PCDHGA7: variants seen among roughly 807,000 people sequenced by gnomAD.
PCDHGA7 encodes the protein protocadherin gamma subfamily A, 7, also known as protocadherin gamma-A7.
Under a neutral mutation model 58.3 loss-of-function variants are expected in PCDHGA7, and 44 were observed. The observed-to-expected ratio is 0.75, with a 90% confidence interval of 0.59 to 0.97. The LOEUF is 0.97. Ranked by LOEUF, PCDHGA7 falls within the 50% of genes least tolerant of loss-of-function variation. The pLI is 0.00. For synonymous variants in PCDHGA7, 516 were observed against 504.2 expected (o/e 1.02, Z -0.31); for missense variants, 1,266 against 1,188.7 (o/e 1.06, Z -0.96).
chr5:141,387,071 C>T (rs1487403463), intron 1 of PCDHGA7, among the ~76,000 whole-genome samples: 2 of 152,172 alleles, frequency 1.3e-5, no homozygotes, highest in African/African-American at 4.8e-5. Flanking sequence ...GAGGAGTAGG[C>T]TACTGCCTGT....
Position 141,394,523 on chromosome 5 carries a change from C to A in PCDHGA7, c.2424+9200C>A, listed in dbSNP as rs373702756. ...TCCTGTACCCCGCCCTCCCCACAGACGGTTCCACTGGCGTGGAGCTGGCGC... is the reference window on the plus strand; with the variant it reads ...TCCTGTACCCCGCCCTCCCCACAGAAGGTTCCACTGGCGTGGAGCTGGCGC... On this transcript the variant is annotated intron_variant, in intron 1 of 3. Transcript: ENST00000518325. The A allele has an allele frequency of 1.1e-5, 17 of 1,614,116 alleles. No homozygotes were observed. The highest frequency in any genetic ancestry group is 5.3e-5 in the African/African-American group (4 of 74,950).
chr5:141,430,914 T>G (rs750607631), intron 1 of PCDHGA7: 1 of 1,607,676 alleles, frequency 6.2e-7, no homozygotes, highest in Non-Finnish European at 8.5e-7. Context: ...TCCAGGGACC[T>G]GGGGCTGGAG....
intron 1 of PCDHGA7, chr5:141,478,597 C>T: frequency 6.4e-7 from 1 of 1,567,010 alleles, no homozygotes; most frequent in Non-Finnish European, 8.7e-7. Flanking sequence ...TTTATTCCTA[C>T]ATCATATTGA....
chr5:141,421,433 C>A lies in PCDHGA7; in HGVS notation c.2424+36110C>A, dbSNP rs772564300. 5 of 1,614,074 alleles carry A rather than the reference C, an allele frequency of 3.1e-6. No homozygotes were observed. In the African/African-American group the frequency reaches 4.0e-5, roughly 13 times the overall value. On this transcript the variant is annotated intron_variant, in intron 1 of 3. Coordinates refer to ENST00000518325, the MANE Select transcript of PCDHGA7 (RefSeq NM_018920.4). ...GCGAAGCGCGGAGTCCGCATCGTCTCCAGAGGGAAGACACAGCTTTTCGCT... is the reference window on the plus strand; with the variant it reads ...GCGAAGCGCGGAGTCCGCATCGTCTACAGAGGGAAGACACAGCTTTTCGCT...
intron 1 of PCDHGA7, among the ~76,000 whole-genome samples, chr5:141,468,186 A>G (rs2099159540): frequency 6.6e-6 from 1 of 151,848 alleles, no homozygotes; most frequent in African/African-American, 2.4e-5. Context: ...TTTGCTGGGC[A>G]TGGTGGCGGG....
At chr5:141,397,224 A>T (rs2093491277) in intron 1 of PCDHGA7, among the ~76,000 whole-genome samples, 1 of 151,376 alleles carries the variant, frequency 6.6e-6, no homozygotes. Context: ...ATTTTGAGAT[A>T]TGAAGAAGAG....
intron 1 of PCDHGA7, among the ~76,000 whole-genome samples, chr5:141,386,156 G>A (rs3806832): frequency 0.081 from 12,379 of 152,152 alleles, 653 homozygotes; most frequent in African/African-American, 0.15. Context: ...ACTGTCTCAC[G>A]TACTCAAACC....
chr5:141,476,091 G>A lies in PCDHGA7; in HGVS notation c.2425-18716G>A. The A allele has an allele frequency of 2.6e-6, 4 of 1,563,192 alleles. No individual in the cohort carries two copies. The highest frequency in any genetic ancestry group is 3.5e-6 in the Non-Finnish European group (4 of 1,159,278). On this transcript the variant is annotated intron_variant, in intron 1 of 3. Transcript: ENST00000518325. The surrounding 1 kb of genome is among the most constrained non-coding windows in gnomAD (Gnocchi z 7.6). ...AAATCTCAGGGACGATCTGGACCCCGCTGAGAGGAACTGCTTTTGAGTGAG... is the reference window on the plus strand; with the variant it reads ...AAATCTCAGGGACGATCTGGACCCCACTGAGAGGAACTGCTTTTGAGTGAG...
At chr5:141,501,333 A>ACC (rs1554187333) in intron 2 of PCDHGA7, among the ~76,000 whole-genome samples, 192 of 140,118 alleles carry the variant, frequency 1.4e-3, no homozygotes, top group Admixed American at 5.6e-3. Flanking sequence ...ACACACACAC[A>ACC]CCCCAAACTC....
chr5:141,420,357 CT>C, intron 1 of PCDHGA7: 1 of 1,376,278 alleles, frequency 7.3e-7, no homozygotes, highest in Non-Finnish European at 9.6e-7. Context: ...TTTTAAGATT[CT>C]AGATAACTTC....
chr5:141,434,820 G>A (rs953824837), intron 1 of PCDHGA7, among the ~76,000 whole-genome samples: 1 of 151,302 alleles, frequency 6.6e-6, no homozygotes, highest in Admixed American at 6.6e-5. Flanking sequence ...ATATCCCTTA[G>A]TACACTTGGC....
chr5:141,490,336 G>T lies in PCDHGA7; in HGVS notation c.2425-4471G>T. 2 of 1,614,224 alleles carry T rather than the reference G, an allele frequency of 1.2e-6. No individual in the cohort carries two copies. The highest frequency in any genetic ancestry group is 8.5e-7 in the Non-Finnish European group (1 of 1,180,040). ...CCCTGTCCTAGAGAGCACACCAGTGGGCACAGTAGTGGGGTTGTTTAATGT... is the reference window on the plus strand; with the variant it reads ...CCCTGTCCTAGAGAGCACACCAGTGTGCACAGTAGTGGGGTTGTTTAATGT... On this transcript the variant is annotated intron_variant, in intron 1 of 3. Transcript: ENST00000518325. This position sits in a 1 kb window ranked among gnomAD's most constrained non-coding sequence, Gnocchi z 5.4.
intron 1 of PCDHGA7, chr5:141,388,084 G>A (rs2091232719): frequency 7.3e-7 from 1 of 1,364,538 alleles, no homozygotes; most frequent in Admixed American, 2.0e-5. Context: ...CGAAAACTGC[G>A]CGTCAGTTCG....
intron 1 of PCDHGA7, chr5:141,389,333 C>T (rs753436946): frequency 6.2e-7 from 1 of 1,614,016 alleles, no homozygotes; most frequent in South Asian, 1.1e-5. Flanking sequence ...GGCCCAACGG[C>T]CAAGTCTCTT....
chr5:141,405,995 A>T (rs985162414), intron 1 of PCDHGA7, among the ~76,000 whole-genome samples: 1 of 151,964 alleles, frequency 6.6e-6, no homozygotes. Context: ...GGTAGCTCTC[A>T]GCCTGCATTG....
At position 141,400,611 on chromosome 5, in the gene PCDHGA7, G is replaced by A. The variant is rs555600694; in HGVS notation, c.2424+15288G>A. The A allele has an allele frequency of 1.3e-5, 20 of 1,573,002 alleles. No homozygotes were observed. In the African/African-American group the frequency reaches 2.4e-4, roughly 19 times the overall value. On this transcript the variant is annotated intron_variant, in intron 1 of 3. Coordinates refer to ENST00000518325, the MANE Select transcript of PCDHGA7 (RefSeq NM_018920.4). The stretch of plus-strand genomic sequence containing the variant: ...ACTATCGTACATTTTCAAGTCCAAT[G>A]AGTTGTCTTAGGGAAGTCAGAGCTG...
At position 141,494,820 on chromosome 5, in the gene PCDHGA7, A is replaced by G; in HGVS notation, c.2438A>G (p.Asn813Ser). ...TTTTCTCCACAGCAAGCCCCGCCCA[A>G]CACGGACTGGCGTTTCTCTCAGGCC... ...NLPSIQQAPP[N>S]TDWRFSQAQR... Residue 813 changes from asparagine to serine, a missense_variant, in exon 2 of 4, where the codon AAC becomes AGC. By Grantham distance (46) the Asn-to-Ser change is conservative. Transcript: ENST00000518325. 1.2e-6 allele frequency: 2 copies of G among 1,613,988 alleles called. No individual in the cohort carries two copies. Among genetic ancestry groups the G allele is most frequent in the Middle Eastern group, 1.6e-4 (1 of 6,062 alleles).
chr5:141,384,723 G>A lies in PCDHGA7; in HGVS notation c.1824G>A (p.Leu608=), dbSNP rs1780414266. Residue 608 remains leucine, a synonymous_variant, in exon 1 of 4, where the codon CTG becomes CTA. Coordinates refer to ENST00000518325, the MANE Select transcript of PCDHGA7 (RefSeq NM_018920.4). ...AGAACGCCTGGCTGTCATACCTCCT[G>A]CTTAAGGCCAGCGAGCCAGGACTCT... is the stretch of plus-strand genomic sequence containing the variant. ...SGQNAWLSYL[L]LKASEPGLFA... The A allele has an allele frequency of 6.2e-7, 1 of 1,614,142 alleles. No homozygotes were observed. Among genetic ancestry groups the A allele is most frequent in the Non-Finnish European group, 8.5e-7 (1 of 1,180,048 alleles).
At chr5:141,421,225 G>A in intron 1 of PCDHGA7, 1 of 1,584,302 alleles carries the variant, frequency 6.3e-7, no homozygotes. Flanking sequence ...CTTAGAGCCT[G>A]CCATGGCGAA....
Sources: allele counts gnomAD v4.1 joint callset (sites outside exome capture counted in the v4.1 genomes callset), GRCh38; gene constraint gnomAD v4.1.1; non-coding constraint Gnocchi (gnomAD v3.1); transcripts MANE v1.5; gene names NCBI Gene and HGNC (gene_info 2026-07-23, HGNC 2026-07-21).